The following ARC variants were observed in gnomAD, a reference collection of about 807,000 sequenced individuals.
ARC encodes the protein activity-regulated cytoskeleton-associated protein.
Under a neutral mutation model 20.0 loss-of-function variants are expected in ARC, and 10 were observed. The ratio of observed to expected loss-of-function variants is 0.50; its 90% confidence interval spans 0.31 to 0.85. ARC has a LOEUF of 0.85. ARC is among the 40% of genes least tolerant of loss of function. The pLI, the probability that ARC is intolerant of heterozygous loss-of-function variation, is 0.05. For missense variants in ARC, 454 were observed against 555.5 expected (o/e 0.82, Z 1.84); for synonymous variants, 269 against 254.1 (o/e 1.06, Z -0.56).
chr8:142,613,327 G>A lies in ARC; in HGVS notation c.945C>T (p.Asp315=), dbSNP rs587711195. Residue 315 remains aspartate, a synonymous_variant, in exon 1 of 3, where the codon GAC becomes GAT. Coordinates refer to ENST00000356613, the MANE Select transcript of ARC (RefSeq NM_015193.5). ...KRDLYQTLYV[D]ADEEEIIQYV... ...ACTGGATGATCTCCTCCTCGTCCGCGTCCACGTAGAGCGTCTGGTACAGGT... is the reference window on the plus strand; with the variant it reads ...ACTGGATGATCTCCTCCTCGTCCGCATCCACGTAGAGCGTCTGGTACAGGT... 3 of 1,613,626 alleles carry A rather than the reference G, an allele frequency of 1.9e-6. No homozygotes were observed. The highest frequency in any genetic ancestry group is 2.7e-5 in the African/African-American group (2 of 75,052).
Position 142,614,031 on chromosome 8 carries a change from T to C in ARC, c.241A>G (p.Thr81Ala). 6.2e-7 allele frequency: 1 copy of C among 1,608,470 alleles called. No individual in the cohort carries two copies. Among genetic ancestry groups the C allele is most frequent in the Non-Finnish European group, 8.5e-7 (1 of 1,178,940 alleles). ...LESNLDGYVP[T>A]SDSQRWKKSI... ...TTCTTCCAGCGCTGCGAGTCGCTCGTGGGCACGTAGCCGTCCAGGTTGCTC... is the reference window on the plus strand; with the variant it reads ...TTCTTCCAGCGCTGCGAGTCGCTCGCGGGCACGTAGCCGTCCAGGTTGCTC... The change falls in exon 1 of 3, where the codon ACG (threonine) becomes GCG (alanine). Residue 81 changes from threonine (T) to alanine (A), a missense_variant. Thr to Ala is a moderately conservative substitution (Grantham distance 58, BLOSUM62 0). Coordinates refer to ENST00000356613, the MANE Select transcript of ARC (RefSeq NM_015193.5).
chr8:142,612,882 G>C lies in ARC; in HGVS notation c.*199C>G, dbSNP rs1413874205. The C allele has an allele frequency of 7.1e-6, 4 of 560,298 alleles. No individual in the cohort carries two copies. Among genetic ancestry groups the C allele is most frequent in the Non-Finnish European group, 9.5e-6 (3 of 316,472 alleles). 34.7% of individuals were successfully genotyped at this position (560,298 alleles called of 1,614,324 possible). A position where few individuals can be genotyped will look rare whatever the true frequency, so the allele number is the denominator to read the frequency against. ...GAGGGAGGGTGATGGGTGGAGCCCT[G>C]CAGGGGGGAGGGCTCTTTGCCGCTG... On this transcript the variant is annotated 3_prime_UTR_variant, in exon 1 of 3. Coordinates refer to ENST00000356613, the MANE Select transcript of ARC (RefSeq NM_015193.5).
rs372418087 is a variant in ARC, at chr8:142,613,665, C to G, written c.607G>C (p.Gly203Arg). Residue 203 changes from glycine (G) to arginine (R), a missense_variant, in exon 1 of 3, where the codon GGG (glycine) becomes CGG (arginine). Gly to Arg is a moderately radical substitution (Grantham distance 125). Around this residue, in one of 3 missense-constraint regions of ARC, gnomAD observed 265 missense variants for 301.7 expected, o/e 0.88. Transcript: ENST00000356613. ...QYQPWVPGEDGQPSPGVDTQI... is the reference protein window; with the variant it reads ...QYQPWVPGEDRQPSPGVDTQI... ...GTGTCCACGCCGGGGCTGGGCTGCC[C>G]GTCCTCGCCGGGGACCCACGGCTGG... 2 of 1,567,350 alleles carry G rather than the reference C, an allele frequency of 1.3e-6. No individual in the cohort carries two copies. Among genetic ancestry groups the G allele is most frequent in the African/African-American group, 2.7e-5 (2 of 74,286 alleles).
At position 142,614,288 on chromosome 8, in the gene ARC, C is replaced by T. The variant is rs201628756; in HGVS notation, c.-17G>A. ...CAGCTCCATCTGTGCGCAGGTGCTCCGGCAGGCGGCAAACTCCTCGGGGCG... is the reference window on the plus strand; with the variant it reads ...CAGCTCCATCTGTGCGCAGGTGCTCTGGCAGGCGGCAAACTCCTCGGGGCG... On this transcript the variant is annotated 5_prime_UTR_variant, in exon 1 of 3. Coordinates refer to ENST00000356613, the MANE Select transcript of ARC (RefSeq NM_015193.5). The T allele has an allele frequency of 2.2e-4, 311 of 1,388,456 alleles. No individual in the cohort carries two copies. In the East Asian group the frequency reaches 5.6e-3, roughly 25 times the overall value. The allele number at this position is 1,388,456 out of a possible 1,614,324, so 86.0% of individuals were successfully genotyped here. A position where few individuals can be genotyped will look rare whatever the true frequency, so the allele number is the denominator to read the frequency against.
chr8:142,613,186 C>T lies in ARC; in HGVS notation c.1086G>A (p.Ala362=), dbSNP rs751378002. Residue 362 remains alanine, a synonymous_variant, in exon 1 of 3, where the codon GCG becomes GCA. Coordinates refer to ENST00000356613, the MANE Select transcript of ARC (RefSeq NM_015193.5). ...GMEVQDDLEQ[A]AEPAGPHLPV... ...GGAGGTGGGGGCCGGCCGGCTCGGC[C>T]GCCTGCTCCAGGTCATCCTGCACCT... is the stretch of plus-strand genomic sequence containing the variant. 5.0e-6 allele frequency: 8 copies of T among 1,610,562 alleles called. No individual in the cohort carries two copies. Among genetic ancestry groups the T allele is most frequent in the Non-Finnish European group, 6.8e-6 (8 of 1,178,960 alleles).
rs587756427 is a variant in ARC, at chr8:142,613,953, G to C, written c.319C>G (p.Arg107Gly). ...RCQETIANLE[R>G]WVKREMHVWR... ...ACGTGCATCTCGCGCTTGACCCAGC[G>C]CTCCAGGTTGGCGATGGTCTCCTGG... Residue 107 changes from arginine (R) to glycine (G), a missense_variant, in exon 1 of 3, where the codon CGC becomes GGC. Coordinates refer to ENST00000356613, the MANE Select transcript of ARC (RefSeq NM_015193.5). 6.2e-7 allele frequency: 1 copy of C among 1,607,868 alleles called. No homozygotes were observed. The highest frequency in any genetic ancestry group is 8.5e-7 in the Non-Finnish European group (1 of 1,179,076).
In ARC at chr8:142,614,059, C is replaced by T. The variant is rs1205335704; in HGVS notation, c.213G>A (p.Leu71=). ...GCACGTAGCCGTCCAGGTTGCTCTC[C>T]AGCTTCCCGACCGACCGGTGCAGCC... ...LKGLHRSVGK[L]ESNLDGYVPT... is the part of the protein sequence containing the mutation. Residue 71 remains leucine, a synonymous_variant, in exon 1 of 3, where the codon CTG becomes CTA. Coordinates refer to ENST00000356613, the MANE Select transcript of ARC (RefSeq NM_015193.5). 2 of 1,604,186 alleles carry T rather than the reference C, an allele frequency of 1.2e-6. No homozygotes were observed. The highest frequency in any genetic ancestry group is 1.7e-6 in the Non-Finnish European group (2 of 1,175,632).
In ARC at chr8:142,614,234, G is replaced by C; in HGVS notation, c.38C>G (p.Ala13Gly). 6.7e-7 allele frequency: 1 copy of C among 1,492,286 alleles called. No individual in the cohort carries two copies. The allele number at this position is 1,492,286 out of a possible 1,614,324, so 92.4% of individuals were successfully genotyped here. A position where few individuals can be genotyped will look rare whatever the true frequency, so the allele number is the denominator to read the frequency against. Residue 13 changes from alanine (A) to glycine (G), a missense_variant, in exon 1 of 3, where the codon GCC becomes GGC. Transcript: ENST00000356613. ...LDHRTSGGLH[A>G]YPGPRGGQVA... ...CTGCCCGCCCCGCGGCCCGGGGTAG[G>C]CGTGGAGCCCGCCGCTGGTCCGGTG...
Position 142,612,986 on chromosome 8 carries a change from G to T in ARC, c.*95C>A. 1 of 1,059,588 alleles carries T rather than the reference G, an allele frequency of 9.4e-7. No homozygotes were observed. The highest frequency in any genetic ancestry group is 2.6e-5 in the East Asian group (1 of 38,226). 65.6% of individuals were successfully genotyped at this position (1,059,588 alleles called of 1,614,324 possible). On this transcript the variant is annotated 3_prime_UTR_variant, in exon 1 of 3. Coordinates refer to ENST00000356613, the MANE Select transcript of ARC (RefSeq NM_015193.5). The stretch of plus-strand genomic sequence containing the variant: ...CGAGGGGGCACCCAGCTGGACCAGG[G>T]CTTCCCCTGCAGGAGTCAGCCCCAG...
Position 142,614,251 on chromosome 8 carries a change from G to A in ARC, c.21C>T (p.Thr7=), listed in dbSNP as rs376064834. Residue 7 remains threonine (T), a synonymous_variant, in exon 1 of 3, where the codon ACC becomes ACT. Transcript: ENST00000356613. MELDHR[T]SGGLHAYPGP... ...CGGGGTAGGCGTGGAGCCCGCCGCT[G>A]GTCCGGTGGTCCAGCTCCATCTGTG... 6.9e-5 allele frequency: 102 copies of A among 1,478,674 alleles called. No individual in the cohort carries two copies. Among genetic ancestry groups the A allele is most frequent in the Non-Finnish European group, 9.0e-5 (101 of 1,119,056 alleles). The allele number at this position is 1,478,674 out of a possible 1,614,324, so 91.6% of individuals were successfully genotyped here.
chr8:142,613,138 G>A lies in ARC; in HGVS notation c.1134C>T (p.Thr378=). The A allele has an allele frequency of 1.9e-6, 3 of 1,597,502 alleles. No individual in the cohort carries two copies. Among genetic ancestry groups the A allele is most frequent in the Non-Finnish European group, 2.6e-6 (3 of 1,173,158 alleles). ...PHLPVEDEAE[T]LTPAPNSESV... is the part of the protein sequence containing the mutation. Reference sequence around the variant, plus strand: ...ACTCGCTGTTGGGGGCGGGCGTGAGGGTCTCCGCCTCATCCTCCACCGGGA... The same window carrying A: ...ACTCGCTGTTGGGGGCGGGCGTGAGAGTCTCCGCCTCATCCTCCACCGGGA... Residue 378 remains threonine (T), a synonymous_variant, in exon 1 of 3, where the codon ACC becomes ACT. Coordinates refer to ENST00000356613, the MANE Select transcript of ARC (RefSeq NM_015193.5).
In ARC at chr8:142,613,782, C is replaced by A. The variant is rs1403566740; in HGVS notation, c.490G>T (p.Gly164Cys). 22 of 1,551,982 alleles carry A rather than the reference C, an allele frequency of 1.4e-5. No individual in the cohort carries two copies. Among genetic ancestry groups the A allele is most frequent in the Non-Finnish European group, 1.8e-5 (21 of 1,155,688 alleles). The change falls in exon 1 of 3, where the codon GGC becomes TGC. Residue 164 changes from glycine to cysteine, a missense_variant. Physicochemically the swap from Gly to Cys is radical, Grantham distance 159. Coordinates refer to ENST00000356613, the MANE Select transcript of ARC (RefSeq NM_015193.5). ...GPESYCHEAD[G>C]YDYTVSPYAI... ...TAGGGGCTGACGGTGTAGTCGTAGCCGTCTGCCTCGTGGCAGTAGCTCTCG... is the reference window on the plus strand; with the variant it reads ...TAGGGGCTGACGGTGTAGTCGTAGCAGTCTGCCTCGTGGCAGTAGCTCTCG...
At position 142,611,801 on chromosome 8, in the gene ARC, G is replaced by C. The variant is rs1056981215; in HGVS notation, c.*799C>G. On this transcript the variant is annotated 3_prime_UTR_variant, in exon 3 of 3. Coordinates refer to ENST00000356613, the MANE Select transcript of ARC (RefSeq NM_015193.5). The stretch of plus-strand genomic sequence containing the variant: ...CGCCTCCCACGCAGGCAGCCTGCAA[G>C]GTGAGGGGTGGGTGGTGCCCAGCAC... The C allele has an allele frequency of 6.6e-6, 1 of 152,640 alleles. No individual in the cohort carries two copies. Among genetic ancestry groups the C allele is most frequent in the Non-Finnish European group, 1.5e-5 (1 of 68,356 alleles). The allele number at this position is 152,640 out of a possible 1,614,324, so 9.5% of individuals were successfully genotyped here. A position where few individuals can be genotyped will look rare whatever the true frequency, so the allele number is the denominator to read the frequency against.
chr8:142,612,947 G>T lies in ARC; in HGVS notation c.*134C>A. 1 of 700,836 alleles carries T rather than the reference G, an allele frequency of 1.4e-6. No individual in the cohort carries two copies. The highest frequency in any genetic ancestry group is 2.3e-6 in the Non-Finnish European group (1 of 429,442). 43.4% of individuals were successfully genotyped at this position (700,836 alleles called of 1,614,324 possible). ...ATCTGGATGACACGAGTGTGTGCGAGTCCGCCCGGAGCTCGAGGGGGCACC... is the reference window on the plus strand; with the variant it reads ...ATCTGGATGACACGAGTGTGTGCGATTCCGCCCGGAGCTCGAGGGGGCACC... On this transcript the variant is annotated 3_prime_UTR_variant, in exon 1 of 3. Transcript: ENST00000356613.
rs1036627469 is a variant in ARC at position 142,614,371 on chromosome 8, G to T, written c.-100C>A. 3.1e-5 allele frequency: 33 copies of T among 1,068,446 alleles called. No homozygotes were observed. Among genetic ancestry groups the T allele is most frequent in the Non-Finnish European group, 3.7e-5 (31 of 834,452 alleles). The allele number at this position is 1,068,446 out of a possible 1,614,324, so 66.2% of individuals were successfully genotyped here. On this transcript the variant is annotated 5_prime_UTR_variant, in exon 1 of 3. Coordinates refer to ENST00000356613, the MANE Select transcript of ARC (RefSeq NM_015193.5). ...GCCTGGGTCCCGTGCGGAGCTGCGGGGAGCGCCTGTCTGTCGCTGCGGGCC... is the reference window on the plus strand; with the variant it reads ...GCCTGGGTCCCGTGCGGAGCTGCGGTGAGCGCCTGTCTGTCGCTGCGGGCC...
rs1456099034 is a variant in ARC, at chr8:142,614,307, C to T, written c.-36G>A. 1 of 1,367,366 alleles carries T rather than the reference C, an allele frequency of 7.3e-7. No individual in the cohort carries two copies. 84.7% of individuals were successfully genotyped at this position (1,367,366 alleles called of 1,614,324 possible). On this transcript the variant is annotated 5_prime_UTR_variant, in exon 1 of 3. Transcript: ENST00000356613. ...GTGCTCCGGCAGGCGGCAAACTCCT[C>T]GGGGCGGACAGAGGGTGGTCCGGCG...
Position 142,613,886 on chromosome 8 carries a change from C to A in ARC, c.386G>T (p.Arg129Leu). 1 of 1,572,966 alleles carries A rather than the reference C, an allele frequency of 6.4e-7. No homozygotes were observed. The highest frequency in any genetic ancestry group is 8.6e-7 in the Non-Finnish European group (1 of 1,164,638). Residue 129 changes from arginine (R) to leucine (L), a missense_variant, in exon 1 of 3, where the codon CGC (arginine) becomes CTC (leucine). Coordinates refer to ENST00000356613, the MANE Select transcript of ARC (RefSeq NM_015193.5). The part of the protein sequence containing the change: ...VFYRLERWAD[R>L]LESTGGKYPV... ...GTACTTGCCGCCCGTGGACTCCAGG[C>A]GGTCGGCCCAGCGCTCCAGGCGGTA...
Position 142,613,028 on chromosome 8 carries a change from G to C in ARC, c.*53C>G. The C allele has an allele frequency of 7.2e-7, 1 of 1,385,444 alleles. No individual in the cohort carries two copies. The highest frequency in any genetic ancestry group is 9.5e-7 in the Non-Finnish European group (1 of 1,049,304). 85.8% of individuals were successfully genotyped at this position (1,385,444 alleles called of 1,614,324 possible). ...CAGCCCCAGCTCAAAAGTCCTGGTG[G>C]GCAAAGCCACAGGCTGGATGTAGTG... On this transcript the variant is annotated 3_prime_UTR_variant, in exon 1 of 3. Coordinates refer to ENST00000356613, the MANE Select transcript of ARC (RefSeq NM_015193.5).
In ARC at chr8:142,613,709, G is replaced by T. The variant is rs1286798419; in HGVS notation, c.563C>A (p.Pro188His). 1 of 1,560,808 alleles carries T rather than the reference G, an allele frequency of 6.4e-7. No homozygotes were observed. The highest frequency in any genetic ancestry group is 2.3e-5 in the East Asian group (1 of 43,276). The change falls in exon 1 of 3, where the codon CCC (proline) becomes CAC (histidine). Residue 188 changes from proline (P) to histidine (H), a missense_variant. This residue lies in a region of ARC where 265 missense variants were observed against 301.7 expected (regional missense o/e 0.88). Coordinates refer to ENST00000356613, the MANE Select transcript of ARC (RefSeq NM_015193.5). ...PAAGELPGQE[P>H]AEAQQYQPWV... Reference sequence around the variant, plus strand: ...CGGCTGGTACTGCTGGGCCTCGGCGGGCTCCTGCCCGGGCAGCTCGCCAGC... The same window carrying T: ...CGGCTGGTACTGCTGGGCCTCGGCGTGCTCCTGCCCGGGCAGCTCGCCAGC...
Sources: gnomAD v4.1 joint callset for allele counts on GRCh38, gnomAD v4.1.1 for gene constraint, gnomAD v4.1.1 regional missense constraint, MANE v1.5 for transcripts, NCBI Gene and HGNC (gene_info 2026-07-23, HGNC 2026-07-21) for gene names.